Variants in CYRIB observed in about 807,000 individuals in gnomAD.
CYRIB encodes CYFIP-related Rac1 interactor B.
CYRIB carries 8 observed loss-of-function variants against 44.2 expected under a neutral mutation model. That is an observed-to-expected ratio of 0.18 (90% CI 0.11 to 0.33). The LOEUF (loss-of-function observed/expected upper bound fraction) is 0.33, where lower values mean the gene tolerates loss of function less well. Among genes scored for constraint, CYRIB ranks in the 10% least tolerant of loss-of-function variants. The pLI is 1.00. For synonymous variants in CYRIB, 131 were observed against 127.2 expected, an observed-to-expected ratio of 1.03 and a Z score of -0.20; for missense variants, 185 against 382.8, an observed-to-expected ratio of 0.48 and a Z score of 4.31.
chr8:130,006,579 T>C (rs1476252223), intron 1 of CYRIB, among the ~76,000 whole-genome samples: 1 of 136,354 alleles, frequency 7.3e-6, no homozygotes, highest in Non-Finnish European at 1.6e-5. Context: ...ACCCCGTCTC[T>C]ACTAAAAACA....
At chr8:130,000,285 A>G (rs1164054697) in intron 1 of CYRIB, among the ~76,000 whole-genome samples, 1 of 152,216 alleles carries the variant, frequency 6.6e-6, no homozygotes, top group Admixed American at 6.5e-5. Context: ...TGGACATTCA[A>G]TAAATGCCTA....
exon 12 of CYRIB, chr8:129,842,048 A>C (rs1331784254): frequency 7.3e-6 from 6 of 819,248 alleles, no homozygotes; most frequent in Non-Finnish European, 1.2e-5. Context: ...AAGCAAGAAT[A>C]AATGAGATAG....
intron 3 of CYRIB, among the ~76,000 whole-genome samples, chr8:129,872,881 C>A (rs1009918091): frequency 1.3e-5 from 2 of 151,928 alleles, no homozygotes; most frequent in African/African-American, 4.8e-5. Flanking sequence ...ACAATGATTT[C>A]TTTATTCCTT....
At chr8:129,956,668 T>C (rs1007141050) in intron 2 of CYRIB, among the ~76,000 whole-genome samples, 3 of 152,180 alleles carry the variant, frequency 2.0e-5, no homozygotes, top group African/African-American at 7.2e-5. Context: ...TCATCCCTAA[T>C]GAAAACCAAT....
At position 129,852,285 on chromosome 8, in the gene CYRIB, G is replaced by C; in HGVS notation, c.517-7C>G. 1 of 1,515,548 alleles carries C rather than the reference G, an allele frequency of 6.6e-7. No individual in the cohort carries two copies. Among genetic ancestry groups the C allele is most frequent in the Middle Eastern group, 1.7e-4 (1 of 5,750 alleles). The allele number at this position is 1,515,548 out of a possible 1,614,324, so 93.9% of individuals were successfully genotyped here. ...CTTCATTTTCTCCTTCTGCCTGTGG[G>C]GAAGGTAAAAGCACTGGATGTTAGT... On this transcript the variant is annotated splice_polypyrimidine_tract_variant and splice_region_variant and intron_variant, in intron 7 of 11. Transcript: ENST00000519824.
intron 4 of CYRIB, among the ~76,000 whole-genome samples, chr8:129,865,595 G>A (rs1294607131): frequency 6.6e-6 from 1 of 152,168 alleles, no homozygotes; most frequent in East Asian, 1.9e-4. Flanking sequence ...TAATAAACGT[G>A]TTGCAAGAGG....
At chr8:129,916,071 TG>T (rs1199412695) in intron 1 of CYRIB, among the ~76,000 whole-genome samples, 1 of 152,208 alleles carries the variant, frequency 6.6e-6, no homozygotes, top group Non-Finnish European at 1.5e-5. Flanking sequence ...ATTTCACAAA[TG>T]GGAAAGTTGA....
chr8:129,995,438 C>T (rs1230594173), intron 1 of CYRIB, among the ~76,000 whole-genome samples: 1 of 152,200 alleles, frequency 6.6e-6, no homozygotes, highest in Non-Finnish European at 1.5e-5. Flanking sequence ...TTCCCCTACC[C>T]TAGAAGCCAT....
At chr8:129,890,588 A>C (rs1441210032) in intron 2 of CYRIB, 1 of 152,198 alleles carries the variant, frequency 6.6e-6, no homozygotes, top group Non-Finnish European at 1.5e-5. Context: ...GCTTCTAAGA[A>C]ACTGTACCAT....
intron 1 of CYRIB, among the ~76,000 whole-genome samples, chr8:129,922,885 GCTTTA>G (rs1360805831): frequency 6.7e-6 from 1 of 148,874 alleles, no homozygotes; most frequent in African/African-American, 2.5e-5. Context: ...AAAAAAAGAT[GCTTTA>G]CTTTGTTTTA....
chr8:129,903,914 T>C (rs1589243965), intron 1 of CYRIB, among the ~76,000 whole-genome samples: 1 of 152,136 alleles, frequency 6.6e-6, no homozygotes, highest in East Asian at 1.9e-4. Context: ...ATTATTTCAC[T>C]CATTCATTCA....
intron 1 of CYRIB, among the ~76,000 whole-genome samples, chr8:129,932,647 T>G (rs957037811): frequency 6.6e-6 from 1 of 152,166 alleles, no homozygotes; most frequent in Admixed American, 6.5e-5. Context: ...CCAGATTCCA[T>G]GAAAATATGG....
intron 5 of CYRIB, among the ~76,000 whole-genome samples, chr8:129,861,606 T>C (rs921671305): frequency 2.0e-5 from 3 of 151,268 alleles, no homozygotes; most frequent in Admixed American, 6.6e-5. Flanking sequence ...ACTCAGCTTA[T>C]TTTTGTTTGT....
chr8:129,948,082 C>G (rs1469332208), intron 2 of CYRIB: 1 of 152,212 alleles, frequency 6.6e-6, no homozygotes, highest in African/African-American at 2.4e-5. Context: ...CCATTCACCA[C>G]CTGGAGTTAT....
intron 4 of CYRIB, among the ~76,000 whole-genome samples, chr8:129,869,994 G>A (rs935052631): frequency 5.9e-5 from 9 of 151,794 alleles, no homozygotes; most frequent in African/African-American, 1.2e-4. Context: ...GAGGGGGGGC[G>A]TTGAAGAAAA....
At chr8:129,922,571 T>C (rs2084262024) in intron 1 of CYRIB, among the ~76,000 whole-genome samples, 1 of 152,040 alleles carries the variant, frequency 6.6e-6, no homozygotes, top group Non-Finnish European at 1.5e-5. Flanking sequence ...ATTTAAAAAA[T>C]ATCTAATAAA....
At chr8:129,933,838 C>T (rs901186774) in intron 1 of CYRIB, among the ~76,000 whole-genome samples, 1 of 151,794 alleles carries the variant, frequency 6.6e-6, no homozygotes, top group East Asian at 1.9e-4. Context: ...TGCGTCATTG[C>T]ACTCCGGCCT....
At chr8:129,943,760 G>C (rs1304516911), upstream of CYRIB, among the ~76,000 whole-genome samples, 1 of 150,486 alleles carries the variant, frequency 6.6e-6, no homozygotes. Flanking sequence ...CATCACGCCC[G>C]GCTAACTTTT....
chr8:129,951,514 G>A (rs1249886175), intron 2 of CYRIB, among the ~76,000 whole-genome samples: 1 of 151,904 alleles, frequency 6.6e-6, no homozygotes, highest in Non-Finnish European at 1.5e-5. Context: ...AGACCAGCCT[G>A]GACAGCATGG....
Sources: allele counts gnomAD v4.1 joint callset (sites outside exome capture counted in the v4.1 genomes callset), GRCh38; gene constraint gnomAD v4.1.1; transcripts MANE v1.5; gene names NCBI Gene and HGNC (gene_info 2026-07-23, HGNC 2026-07-21).